Variants in KCNJ15 observed in about 807,000 individuals in gnomAD.
KCNJ15 encodes ATP-sensitive inward rectifier potassium channel 15.
Under a neutral mutation model 23.0 loss-of-function variants are expected in KCNJ15, and 14 were observed. That is an observed-to-expected ratio of 0.61 (90% CI 0.40 to 0.95). KCNJ15 has a LOEUF of 0.95. Ranked by LOEUF, KCNJ15 falls within the 40% of genes least tolerant of loss-of-function variation. The pLI is 0.00. For missense variants in KCNJ15, 388 were observed against 461.8 expected (o/e 0.84, Z 1.46); for synonymous variants, 185 against 183.2 (o/e 1.01, Z -0.08).
intron 1 of KCNJ15, among the ~76,000 whole-genome samples, chr21:38,250,098 C>T (rs1325348234): frequency 6.6e-6 from 1 of 152,200 alleles, no homozygotes; most frequent in East Asian, 1.9e-4. Flanking sequence ...AGCCAATTCG[C>T]ATTGCTCAGT....
In KCNJ15 at chr21:38,304,662, C is replaced by CTTTTTTTTTTTTTTTTT. The variant is rs543096995; in HGVS notation, c.*4288_*4304dup. On this transcript the variant is annotated 3_prime_UTR_variant, in exon 3 of 3. Transcript: ENST00000398938. The stretch of plus-strand genomic sequence containing the variant: ...TTACCCTTTGTAAACTTCAATTTAT[C>CTTTTTTTTTTTTTTTTT]TTTTTTTTTTTTTTTTTTTTTTTTT... 1.3e-3 allele frequency: 73 copies of CTTTTTTTTTTTTTTTTT among 56,052 alleles called. 13 individuals are homozygous for CTTTTTTTTTTTTTTTTT. The highest frequency in any genetic ancestry group is 2.3e-3 in the Non-Finnish European group (64 of 28,114). The allele number at this position is 56,052 out of a possible 1,614,324, so 3.5% of individuals were successfully genotyped here. A position where few individuals can be genotyped will look rare whatever the true frequency, so the allele number is the denominator to read the frequency against.
chr21:38,295,209 C>T (rs888212757), intron 1 of KCNJ15, among the ~76,000 whole-genome samples: 11 of 152,154 alleles, frequency 7.2e-5, no homozygotes, highest in African/African-American at 2.7e-4. Flanking sequence ...AGACAACATT[C>T]TATTTAGAGC....
intron 1 of KCNJ15, among the ~76,000 whole-genome samples, chr21:38,271,618 G>A (rs1218678500): frequency 6.6e-6 from 1 of 152,176 alleles, no homozygotes. Context: ...CCTATAAGGG[G>A]AAGTCCTGGA....
At chr21:38,238,324 C>T (rs991113586) in intron 1 of KCNJ15, 2 of 716,558 alleles carry the variant, frequency 2.8e-6, no homozygotes, top group South Asian at 1.4e-5. Flanking sequence ...GTCTTCCTGC[C>T]TTCGGAGGGT....
In KCNJ15 at chr21:38,304,781, A is replaced by G. The variant is rs2146362659; in HGVS notation, c.*4392A>G. ...GCAAGTCCGCTTCCAGGTTCACGCC[A>G]TTCTCTCCCTCAGCCTCCCGAGTAG... On this transcript the variant is annotated 3_prime_UTR_variant, in exon 3 of 3. Coordinates refer to ENST00000398938, the MANE Select transcript of KCNJ15 (RefSeq NM_170736.3). The G allele has an allele frequency of 0.056, 1 of 18 alleles. No individual in the cohort carries two copies. Among genetic ancestry groups the G allele is most frequent in the South Asian group, 0.5 (1 of 2 alleles). The allele number at this position is 18 out of a possible 1,614,324, so 0.0% of individuals were successfully genotyped here.
Position 38,299,809 on chromosome 21 carries a change from G to A in KCNJ15, c.548G>A (p.Cys183Tyr). 6.2e-7 allele frequency: 1 copy of A among 1,614,122 alleles called. No homozygotes were observed. Among genetic ancestry groups the A allele is most frequent in the Non-Finnish European group, 8.5e-7 (1 of 1,180,020 alleles). Residue 183 changes from cysteine (C) to tyrosine (Y), a missense_variant, in exon 3 of 3, where the codon TGT (cysteine) becomes TAT (tyrosine). Cys to Tyr is a radical substitution (Grantham distance 194). Coordinates refer to ENST00000398938, the MANE Select transcript of KCNJ15 (RefSeq NM_170736.3). The surrounding 1 kb of genome is among the most constrained non-coding windows in gnomAD (Gnocchi z 4.5). Reference protein sequence around the residue: ...KRAETIKFSHCAVITKQNGKL... With the variant: ...KRAETIKFSHYAVITKQNGKL... ...GCTGAGACCATCAAGTTCAGCCACTGTGCAGTCATCACCAAGCAGAATGGG... is the reference window on the plus strand; with the variant it reads ...GCTGAGACCATCAAGTTCAGCCACTATGCAGTCATCACCAAGCAGAATGGG...
chr21:38,273,737 A>T (rs1285492248), intron 1 of KCNJ15, among the ~76,000 whole-genome samples: 1 of 152,252 alleles, frequency 6.6e-6, no homozygotes, highest in African/African-American at 2.4e-5. Flanking sequence ...CAATAGTTAA[A>T]CGATCAACAT....
chr21:38,263,708 A>T (rs1030344850), intron 1 of KCNJ15, among the ~76,000 whole-genome samples: 1 of 152,114 alleles, frequency 6.6e-6, no homozygotes, highest in Non-Finnish European at 1.5e-5. Flanking sequence ...TCCAAAGAAC[A>T]TGTGTGATGT....
chr21:38,251,050 G>T (rs1015701853), intron 1 of KCNJ15, among the ~76,000 whole-genome samples: 1 of 152,102 alleles, frequency 6.6e-6, no homozygotes, highest in Non-Finnish European at 1.5e-5. Flanking sequence ...TAGAAGAGGT[G>T]GGGGGTAATA....
rs1468197786 is a variant in KCNJ15, at chr21:38,303,245, C to A, written c.*2856C>A. 7 of 151,600 alleles carry A rather than the reference C, an allele frequency of 4.6e-5. No individual in the cohort carries two copies. Among genetic ancestry groups the A allele is most frequent in the African/African-American group, 7.3e-5 (3 of 41,284 alleles). 9.4% of individuals were successfully genotyped at this position (151,600 alleles called of 1,614,324 possible). A position where few individuals can be genotyped will look rare whatever the true frequency, so the allele number is the denominator to read the frequency against. ...ACTTAATTTATTATATCTGGTCGGT[C>A]TTCTGCTTGAAACAGATTCACACTC... is the stretch of plus-strand genomic sequence containing the variant. On this transcript the variant is annotated 3_prime_UTR_variant, in exon 3 of 3. Coordinates refer to ENST00000398938, the MANE Select transcript of KCNJ15 (RefSeq NM_170736.3).
rs975389661 is a variant in KCNJ15 at position 38,242,658 on chromosome 21, C to G, written c.-398-14388C>G. 2.0e-5 allele frequency among the ~76,000 whole-genome samples: 3 copies of G among 152,120 alleles called. 1 individual carries two copies. Among genetic ancestry groups the G allele is most frequent in the Non-Finnish European group, 4.4e-5 (3 of 68,004 alleles). ...CAGCATCTCTCTTCTGGAGGCCTTC[C>G]CTGCTAAAGCTCTTTCTGTGCAACT... On this transcript the variant is annotated intron_variant, in intron 1 of 4. Transcript: ENST00000547341.
At chr21:38,287,318 TG>T (rs1350179992) in intron 1 of KCNJ15, among the ~76,000 whole-genome samples, 8 of 152,196 alleles carry the variant, frequency 5.3e-5, no homozygotes, top group African/African-American at 9.7e-5. Flanking sequence ...AAATCTGGAT[TG>T]TTTTTTTTCT....
intron 2 of KCNJ15, among the ~76,000 whole-genome samples, chr21:38,297,978 C>A (rs1290591047): frequency 6.6e-6 from 1 of 152,176 alleles, no homozygotes; most frequent in African/African-American, 2.4e-5. Flanking sequence ...TTCACAACTT[C>A]TATTGAGATA....
At chr21:38,294,094 A>G (rs938109902) in intron 1 of KCNJ15, among the ~76,000 whole-genome samples, 1 of 152,256 alleles carries the variant, frequency 6.6e-6, no homozygotes, top group Non-Finnish European at 1.5e-5. Context: ...TCCTGAGCTC[A>G]GTGAACCCCA....
chr21:38,238,833 G>A (rs748599927), intron 1 of KCNJ15, among the ~76,000 whole-genome samples: 5 of 152,124 alleles, frequency 3.3e-5, no homozygotes, highest in Non-Finnish European at 7.4e-5. Flanking sequence ...AAAAACAAAA[G>A]TATAGTAAAA....
intron 1 of KCNJ15, among the ~76,000 whole-genome samples, chr21:38,284,225 C>A (rs1983655696): frequency 6.6e-6 from 1 of 152,192 alleles, no homozygotes; most frequent in Admixed American, 6.5e-5. Context: ...TGGTATAACA[C>A]CCAAACATTC....
intron 1 of KCNJ15, among the ~76,000 whole-genome samples, chr21:38,243,308 A>G (rs1979135096): frequency 2.0e-5 from 3 of 152,088 alleles, no homozygotes; most frequent in Non-Finnish European, 4.4e-5. Context: ...GTTGGAAATA[A>G]CCTGTTTTGT....
chr21:38,291,905 T>G (rs928772), intron 1 of KCNJ15, among the ~76,000 whole-genome samples: 117,562 of 152,204 alleles, frequency 0.77, 45,773 homozygotes, highest in African/African-American at 0.87. Flanking sequence ...GGGAATAATA[T>G]TAGTACTTAC....
upstream of KCNJ15, among the ~76,000 whole-genome samples, chr21:38,253,535 T>G (rs1234222183): frequency 1.3e-5 from 2 of 152,182 alleles, no homozygotes; most frequent in Non-Finnish European, 2.9e-5. Context: ...TCTGAGGAAG[T>G]TTTAAGAACT....
Sources: allele counts gnomAD v4.1 joint callset (sites outside exome capture counted in the v4.1 genomes callset), GRCh38; gene constraint gnomAD v4.1.1; non-coding constraint Gnocchi (gnomAD v3.1); transcripts MANE v1.5; gene names NCBI Gene and HGNC (gene_info 2026-07-23, HGNC 2026-07-21).